C3orf33: variants seen among roughly 807,000 people sequenced by gnomAD.
The protein encoded by C3orf33 is AP-1 activity suppressor.
Under a neutral mutation model 28.7 loss-of-function variants are expected in C3orf33, and 23 were observed. The observed-to-expected ratio is 0.80, with a 90% CI of 0.58 to 1.13. The LOEUF is 1.13. Ranked by LOEUF, C3orf33 falls within the 50% of genes most tolerant of loss-of-function variation. C3orf33 has a pLI of 0.00. For synonymous variants in C3orf33, 119 were observed against 120.5 expected (o/e 0.99, Z 0.08); for missense variants, 327 against 353.4 (o/e 0.93, Z 0.60).
Position 155,800,609 on chromosome 3 carries a change from C to T in C3orf33, c.174+1923G>A, listed in dbSNP as rs568621801. Among the ~76,000 whole-genome samples, 20 of 12,570 alleles carry T rather than the reference C, an allele frequency of 1.6e-3. No homozygotes were observed. The East Asian group carries it at 0.039, about 24-fold the overall frequency. The allele number at this position is 12,570 out of a possible 152,430, so 8.2% of individuals were successfully genotyped here. A position where few individuals can be genotyped will look rare whatever the true frequency, so the allele number is the denominator to read the frequency against. On this transcript the variant is annotated intron_variant, in intron 2 of 4. Coordinates refer to ENST00000340171, the MANE Select transcript of C3orf33 (RefSeq NM_001308229.2). Reference sequence around the variant, plus strand: ...TGGTCAACAGAGTGAGACCTTATCTCCAAAAAAAAAAAAAAAAAAAAAAAA... The same window carrying T: ...TGGTCAACAGAGTGAGACCTTATCTTCAAAAAAAAAAAAAAAAAAAAAAAA...
intron 3 of C3orf33, among the ~76,000 whole-genome samples, chr3:155,770,119 G>T (rs1750535923): frequency 6.6e-6 from 1 of 152,142 alleles, no homozygotes; most frequent in Non-Finnish European, 1.5e-5. Flanking sequence ...GCGGGGGTTG[G>T]GTTGCACAAC....
At chr3:155,767,297 AATTTT>A (rs973702757) in intron 4 of C3orf33, among the ~76,000 whole-genome samples, 61 of 151,970 alleles carry the variant, frequency 4.0e-4, no homozygotes, top group African/African-American at 1.3e-3. Flanking sequence ...CTTTTTTCTT[AATTTT>A]ATTTTTTCTA....
At chr3:155,765,778 C>T (rs1750384746) in intron 4 of C3orf33, among the ~76,000 whole-genome samples, 1 of 152,118 alleles carries the variant, frequency 6.6e-6, no homozygotes, top group Non-Finnish European at 1.5e-5. Context: ...AAACTCCTCA[C>T]CTCAAGTGAA....
intron 2 of C3orf33, among the ~76,000 whole-genome samples, chr3:155,779,755 T>A (rs1750861662): frequency 6.6e-6 from 1 of 152,228 alleles, no homozygotes; most frequent in African/African-American, 2.4e-5. Context: ...AATAAAGATG[T>A]CTTCAACTAC....
At chr3:155,787,302 G>A (rs533596591) in intron 2 of C3orf33, among the ~76,000 whole-genome samples, 5 of 150,574 alleles carry the variant, frequency 3.3e-5, no homozygotes, top group South Asian at 2.1e-4. Flanking sequence ...GGGCTCAATC[G>A]ATCCTCCCAC....
chr3:155,806,070 A>T, intron 1 of C3orf33, 69 bp downstream of exon 1: 2 of 1,117,348 alleles, frequency 1.8e-6, no homozygotes, highest in Non-Finnish European at 2.4e-6. Context: ...CTGAGGCCTC[A>T]CGTTGTTCTC....
chr3:155,764,072 C>T (rs889162578), intron 4 of C3orf33, among the ~76,000 whole-genome samples, 154 bp from the exon 5 acceptor site: 35 of 152,112 alleles, frequency 2.3e-4, no homozygotes, highest in Admixed American at 2.6e-4. Context: ...ACAGCTCTTG[C>T]GAAATCCAAG....
intron 2 of C3orf33, among the ~76,000 whole-genome samples, chr3:155,791,697 G>A (rs184124923): frequency 2.0e-5 from 3 of 152,022 alleles, no homozygotes; most frequent in African/African-American, 7.2e-5. Flanking sequence ...GGCAGTATTT[G>A]CCGCAGGCCT....
At chr3:155,787,160 C>T (rs569034418) in intron 2 of C3orf33, among the ~76,000 whole-genome samples, 9 of 152,202 alleles carry the variant, frequency 5.9e-5, no homozygotes, top group Non-Finnish European at 8.8e-5. Context: ...TAAACATTGA[C>T]GAAGAAATTC....
In C3orf33 at chr3:155,767,583, G is replaced by A. The variant is rs550135854; in HGVS notation, c.409C>T (p.Pro137Ser). Residue 137 changes from proline to serine, a missense_variant, in exon 4 of 5, where the codon CCT becomes TCT. Pro to Ser is a moderately conservative substitution (Grantham distance 74). Transcript: ENST00000340171. ...GKAWLQKELKPSQLLWFQLLG... is the reference protein window; with the variant it reads ...GKAWLQKELKSSQLLWFQLLG... ...AGTTGGAACCATAGTAATTGGGAAG[G>A]TTTTAGCTCTTTTTGTAACCATGCC... 136 of 1,598,378 alleles carry A rather than the reference G, an allele frequency of 8.5e-5. 2 individuals are homozygous for A. In the South Asian group the frequency reaches 1.3e-3, roughly 15 times the overall value.
At chr3:155,796,839 G>C (rs1047245697) in intron 2 of C3orf33, among the ~76,000 whole-genome samples, 1 of 152,198 alleles carries the variant, frequency 6.6e-6, no homozygotes, top group African/African-American at 2.4e-5. Context: ...ATTTATCCCA[G>C]GGATGCAAGG....
intron 2 of C3orf33, among the ~76,000 whole-genome samples, chr3:155,788,277 A>G (rs1665645266): frequency 6.6e-6 from 1 of 152,120 alleles, no homozygotes; most frequent in African/African-American, 2.4e-5. Context: ...ACACATGGTT[A>G]CCTCAACTGA....
intron 3 of C3orf33, among the ~76,000 whole-genome samples, chr3:155,771,742 G>A (rs1006716241): frequency 1.3e-5 from 2 of 152,150 alleles, no homozygotes; most frequent in East Asian, 1.9e-4. Flanking sequence ...TTACTGTGAC[G>A]TGAATCCCTC....
chr3:155,768,610 T>C (rs1015590225), intron 3 of C3orf33, among the ~76,000 whole-genome samples: 24 of 152,284 alleles, frequency 1.6e-4, no homozygotes, highest in Admixed American at 9.8e-4. Context: ...AAACTTAATG[T>C]CTTTAAAAAA....
intron 2 of C3orf33, among the ~76,000 whole-genome samples, chr3:155,776,759 C>CAAAAAAAAAAAAAAAAAAAAAAAAAA (rs10654812): frequency 1.8e-4 from 16 of 86,914 alleles, no homozygotes; most frequent in African/African-American, 2.1e-4. Flanking sequence ...CTGACTCTGT[C>CAAAAAAAAAAAAAAAAAAAAAAAAAA]AAAAAAAAAA....
chr3:155,784,144 G>A (rs1280306708), intron 2 of C3orf33, among the ~76,000 whole-genome samples: 1 of 151,488 alleles, frequency 6.6e-6, no homozygotes, highest in Non-Finnish European at 1.5e-5. Flanking sequence ...TGGTCAAGCT[G>A]GTCAAGAACT....
At chr3:155,804,199 G>T in intron 1 of C3orf33, 1 of 431,080 alleles carries the variant, frequency 2.3e-6, no homozygotes, top group East Asian at 8.1e-5. Context: ...AAGGAAATGA[G>T]ATTGAAAATA....
At chr3:155,780,611 A>G (rs1351936049) in intron 2 of C3orf33, among the ~76,000 whole-genome samples, 1 of 152,248 alleles carries the variant, frequency 6.6e-6, no homozygotes, top group African/African-American at 2.4e-5. Context: ...GAGGGAAGAA[A>G]ATCAGCAATA....
In C3orf33 at chr3:155,763,775, T is replaced by C; in HGVS notation, c.627A>G (p.Leu209=). The C allele has an allele frequency of 1.2e-6, 2 of 1,606,374 alleles. No individual in the cohort carries two copies. The highest frequency in any genetic ancestry group is 8.5e-7 in the Non-Finnish European group (1 of 1,177,452). The change falls in exon 5 of 5, where the codon TTA becomes TTG. Residue 209 remains leucine (L), a synonymous_variant. Transcript: ENST00000340171. The part of the protein sequence containing the change: ...RNLLKAELTA[L]KKGEGIWKED... ...CCTTCCATATTCCTTCTCCTTTTTTTAAGGCTGTTAATTCAGCTTTAAGTA... is the reference window on the plus strand; with the variant it reads ...CCTTCCATATTCCTTCTCCTTTTTTCAAGGCTGTTAATTCAGCTTTAAGTA...
Sources: gnomAD v4.1 joint callset for allele counts (sites outside exome capture counted in the v4.1 genomes callset) on GRCh38, gnomAD v4.1.1 for gene constraint, MANE v1.5 for transcripts, NCBI Gene and HGNC (gene_info 2026-07-23, HGNC 2026-07-21) for gene names.